Variants in DCDC1 observed in about 807,000 individuals in gnomAD.
DCDC1 encodes the protein doublecortin domain-containing protein 1.
A neutral mutation model predicts 178.3 loss-of-function variants in DCDC1; 200 were observed. That is an observed-to-expected ratio of 1.12 (90% CI 1.00 to 1.26). The LOEUF (loss-of-function observed/expected upper bound fraction) is 1.26, where lower values mean the gene tolerates loss of function less well. Ranked by LOEUF, DCDC1 falls within the 50% of genes most tolerant of loss-of-function variation. The pLI is 0.00. For missense variants in DCDC1, 1,983 were observed against 1,749.2 expected, an observed-to-expected ratio of 1.13 and a Z score of -2.38; for synonymous variants, 690 against 604.8, an observed-to-expected ratio of 1.14 and a Z score of -2.07.
chr11:31,071,720 C>T (rs1239542550), intron 18 of DCDC1, among the ~76,000 whole-genome samples: 1 of 152,182 alleles, frequency 6.6e-6, no homozygotes, highest in African/African-American at 2.4e-5. Flanking sequence ...GTGGTGGATG[C>T]CACTTCCGAG....
intron 3 of DCDC1, among the ~76,000 whole-genome samples, chr11:31,313,580 TTTAAGATCTACA>T (rs932670077): frequency 2.9e-5 from 4 of 139,294 alleles, no homozygotes; most frequent in Non-Finnish European, 6.4e-5. Context: ...GATCTACATT[TTTAAGATCTACA>T]TTAAGATCTA....
At chr11:30,884,195 G>A (rs1942964095) in intron 36 of DCDC1, among the ~76,000 whole-genome samples, 1 of 151,594 alleles carries the variant, frequency 6.6e-6, no homozygotes, top group Non-Finnish European at 1.5e-5. Flanking sequence ...CACCATGTCC[G>A]GCTAATTTTC....
chr11:31,270,038 A>G (rs1286790738), intron 7 of DCDC1, among the ~76,000 whole-genome samples: 3 of 152,138 alleles, frequency 2.0e-5, no homozygotes, highest in Non-Finnish European at 4.4e-5. Context: ...ACCTTTTAAT[A>G]TGGTTCTATG....
At chr11:31,279,921 TA>T (rs1291140989) in intron 7 of DCDC1, among the ~76,000 whole-genome samples, 1 of 152,104 alleles carries the variant, frequency 6.6e-6, no homozygotes, top group Non-Finnish European at 1.5e-5. Context: ...AGATTATCTG[TA>T]ATTTTTTATT....
chr11:31,170,035 G>A (rs1417020499), intron 9 of DCDC1, among the ~76,000 whole-genome samples: 1 of 152,178 alleles, frequency 6.6e-6, no homozygotes, highest in Non-Finnish European at 1.5e-5. Context: ...GAGGCTGCAT[G>A]ATGGGGTCCA....
intron 38 of DCDC1, among the ~76,000 whole-genome samples, chr11:30,866,330 T>C (rs2133894651): frequency 6.6e-6 from 1 of 152,218 alleles, no homozygotes; most frequent in Admixed American, 6.5e-5. Context: ...TGTCGGCAGA[T>C]TTGGTGTCTA....
chr11:31,257,153 T>C (rs936014895), intron 8 of DCDC1, among the ~76,000 whole-genome samples: 1 of 152,182 alleles, frequency 6.6e-6, no homozygotes, highest in African/African-American at 2.4e-5. Context: ...TGAGGTTCTG[T>C]CTTTAAATTG....
intron 6 of DCDC1, among the ~76,000 whole-genome samples, chr11:31,300,021 C>A (rs955608787): frequency 5.9e-5 from 9 of 152,102 alleles, no homozygotes; most frequent in African/African-American, 2.2e-4. Flanking sequence ...CCATGCCCAG[C>A]TAATTTTTGT....
rs537969836 is a variant in DCDC1, at chr11:31,291,819, C to A, written c.755-967G>T. Reference sequence around the variant, plus strand: ...TATTGCTATTTTGCATTGAAATTTGCCCAGATTTTCAAATGATCTTTCTCT... The same window carrying A: ...TATTGCTATTTTGCATTGAAATTTGACCAGATTTTCAAATGATCTTTCTCT... On this transcript the variant is annotated intron_variant, in intron 6 of 38. Transcript: ENST00000684477. 7.9e-5 allele frequency among the ~76,000 whole-genome samples: 12 copies of A among 152,010 alleles called. No individual in the cohort carries two copies. The South Asian group carries it at 2.5e-3, about 32-fold the overall frequency.
At position 31,169,808 on chromosome 11, in the gene DCDC1, T is replaced by C. The variant is rs77576881; in HGVS notation, c.1222-32024A>G. On this transcript the variant is annotated intron_variant, in intron 9 of 38. Transcript: ENST00000684477. ...AATGTACACAAATCACTGCAAAAGTTTATAGGAAGAAGAAATAAGAAAGAA... is the reference window on the plus strand; with the variant it reads ...AATGTACACAAATCACTGCAAAAGTCTATAGGAAGAAGAAATAAGAAAGAA... Among the ~76,000 whole-genome samples the C allele has an allele frequency of 6.0e-3, 909 of 152,192 alleles. 12 individuals carry two copies. The highest frequency in any genetic ancestry group is 0.021 in the African/African-American group (875 of 41,516).
intron 20 of DCDC1, among the ~76,000 whole-genome samples, chr11:30,975,370 G>C (rs544372549): frequency 1.4e-4 from 21 of 151,882 alleles, no homozygotes; most frequent in Non-Finnish European, 2.6e-4. Context: ...GTCCTAGCCA[G>C]AGCAATCAGG....
At chr11:31,347,306 T>C (rs1489061746) in intron 1 of DCDC1, among the ~76,000 whole-genome samples, 1 of 152,178 alleles carries the variant, frequency 6.6e-6, no homozygotes, top group Non-Finnish European at 1.5e-5. Flanking sequence ...AGAATCACCA[T>C]AATTTAACAC....
chr11:31,367,275 G>A (rs1333611061), intron 1 of DCDC1, among the ~76,000 whole-genome samples: 1 of 152,222 alleles, frequency 6.6e-6, no homozygotes, highest in African/African-American at 2.4e-5. Context: ...CTCCAGACTG[G>A]ACACCAGGGC....
At chr11:30,906,793 T>C (rs562467209) in intron 29 of DCDC1, 68 bp from the exon 30 acceptor site, 4 of 1,369,950 alleles carry the variant, frequency 2.9e-6, no homozygotes, top group African/African-American at 1.4e-5. Context: ...CTGTAGAACA[T>C]TTTACAATAT....
At chr11:31,123,403 T>G (rs565746506) in intron 11 of DCDC1, among the ~76,000 whole-genome samples, 1 of 152,124 alleles carries the variant, frequency 6.6e-6, no homozygotes, top group African/African-American at 2.4e-5. Context: ...TAAATTCATA[T>G]GATTTTTAAA....
chr11:31,281,462 A>G (rs1244095978), intron 7 of DCDC1, among the ~76,000 whole-genome samples: 1 of 151,946 alleles, frequency 6.6e-6, no homozygotes, highest in African/African-American at 2.4e-5. Context: ...TGTTTTTTTA[A>G]TAAGTGAATA....
chr11:30,927,726 C>T (rs890641425), intron 22 of DCDC1, among the ~76,000 whole-genome samples: 1 of 152,132 alleles, frequency 6.6e-6, no homozygotes, highest in African/African-American at 2.4e-5. Context: ...TTAGATCATA[C>T]CTCAGTTTTG....
intron 1 of DCDC1, among the ~76,000 whole-genome samples, chr11:31,340,577 T>C (rs1193199101): frequency 6.6e-6 from 1 of 152,184 alleles, no homozygotes; most frequent in Non-Finnish European, 1.5e-5. Flanking sequence ...GGTGTTTTTT[T>C]GGATGAGATT....
At chr11:31,349,774 G>A (rs1347138770) in intron 1 of DCDC1, among the ~76,000 whole-genome samples, 3 of 152,092 alleles carry the variant, frequency 2.0e-5, no homozygotes, top group Admixed American at 6.6e-5. Context: ...GCTGAGGCAG[G>A]AGGATTGCTG....
Sources: gnomAD v4.1 joint callset for allele counts (sites outside exome capture counted in the v4.1 genomes callset) on GRCh38, gnomAD v4.1.1 for gene constraint, MANE v1.5 for transcripts, NCBI Gene and HGNC (gene_info 2026-07-23, HGNC 2026-07-21) for gene names.